HAS1: variants seen among roughly 807,000 people sequenced by gnomAD.
HAS1 encodes hyaluronan synthase 1.
Under a neutral mutation model 35.0 loss-of-function variants are expected in HAS1, and 27 were observed. The observed-to-expected ratio is 0.77, with a 90% CI of 0.57 to 1.06. HAS1 has a LOEUF of 1.06. Among genes scored for constraint, HAS1 ranks in the 50% least tolerant of loss-of-function variants. The pLI is 0.00. For missense variants in HAS1, 940 were observed against 814.8 expected (o/e 1.15, Z -1.87); for synonymous variants, 409 against 371.2 (o/e 1.10, Z -1.17).
Position 51,713,521 on chromosome 19 carries a change from T to TA in HAS1, c.1639dup (p.Tyr547LeufsTer120). ...CAACATGGCCACCCAGTAGCCCACGTAGGCGCCGGCCCCCGCGGCCAAGTG... is the reference window on the plus strand; with the variant it reads ...CAACATGGCCACCCAGTAGCCCACGTAAGGCGCCGGCCCCCGCGGCCAAGTG... On this transcript the variant is annotated frameshift_variant, in exon 5 of 5. Transcript: ENST00000540069. LOFTEE classifies it low-confidence loss of function (END_TRUNC). The surrounding 1 kb of genome is among the most constrained non-coding windows in gnomAD (Gnocchi z 4.5). The TA allele has an allele frequency of 6.2e-7, 1 of 1,603,296 alleles. No homozygotes were observed. The highest frequency in any genetic ancestry group is 8.5e-7 in the Non-Finnish European group (1 of 1,175,778).
Position 51,719,556 on chromosome 19 carries a change from C to G in HAS1, c.349G>C (p.Ala117Pro). The stretch of plus-strand genomic sequence containing the variant: ...GCGCGCGGGTACAGCAGGGCGCGGG[C>G]GGACGCCAGGCACTGGCGCAGGTAC... ...PAYLRQCLAS[A>P]RALLYPRARL... Residue 117 changes from alanine to proline, a missense_variant, in exon 2 of 5, where the codon GCC (alanine) becomes CCC (proline). Transcript: ENST00000540069. 1 of 1,545,894 alleles carries G rather than the reference C, an allele frequency of 6.5e-7. No homozygotes were observed. Among genetic ancestry groups the G allele is most frequent in the East Asian group, 2.5e-5 (1 of 40,318 alleles).
At position 51,717,482 on chromosome 19, in the gene HAS1, T is replaced by C. The variant is rs141951814; in HGVS notation, c.700-289A>G. The stretch of plus-strand genomic sequence containing the variant: ...AGAATATGGCAGAAGTTATGGGATA[T>C]AACTGCCATGATTATATTACCTAAT... On this transcript the variant is annotated intron_variant, in intron 2 of 4. Transcript: ENST00000540069. Among the ~76,000 whole-genome samples, 533 of 152,276 alleles carry C rather than the reference T, an allele frequency of 3.5e-3. 1 individual carries two copies. The highest frequency in any genetic ancestry group is 0.012 in the African/African-American group (502 of 41,542).
intron 1 of HAS1, among the ~76,000 whole-genome samples, chr19:51,721,892 T>G (rs1366015653): frequency 6.6e-6 from 1 of 152,206 alleles, no homozygotes; most frequent in Non-Finnish European, 1.5e-5. Flanking sequence ...CGTGAGCTAC[T>G]GCACCCGGTC....
intron 2 of HAS1, among the ~76,000 whole-genome samples, chr19:51,718,786 C>T (rs796765460): frequency 5.9e-5 from 9 of 152,310 alleles, no homozygotes; most frequent in African/African-American, 2.2e-4. Context: ...ATCCGCCCAC[C>T]TCAGCCTCTC....
chr19:51,716,962 G>A lies in HAS1; in HGVS notation c.925+6C>T. Reference sequence around the variant, plus strand: ...CACAGCCCTCCCAATCTCTGCCCCTGCTTACCTAGAGGACCGCTGATGCAG... The same window carrying A: ...CACAGCCCTCCCAATCTCTGCCCCTACTTACCTAGAGGACCGCTGATGCAG... On this transcript the variant is annotated splice_donor_region_variant and intron_variant, in intron 3 of 4. Transcript: ENST00000540069. 6.3e-7 allele frequency: 1 copy of A among 1,596,158 alleles called. No homozygotes were observed. The highest frequency in any genetic ancestry group is 8.6e-7 in the Non-Finnish European group (1 of 1,164,038).
intron 4 of HAS1, among the ~76,000 whole-genome samples, chr19:51,714,524 A>C (rs1227932838): frequency 1.5e-3 from 35 of 23,414 alleles, no homozygotes; most frequent in African/African-American, 4.9e-3. Flanking sequence ...CCCCATCTCT[A>C]AAAAAAAAAA....
rs1253484934 is a variant in HAS1, at chr19:51,713,382, T to C, written c.*45A>G. ...GGCTCGGGGCCCAGCAGCTCTCCTC[T>C]GGCCTCCCCTGAAGACCCTTGAGGC... On this transcript the variant is annotated 3_prime_UTR_variant, in exon 5 of 5. Transcript: ENST00000540069. This position sits in a 1 kb window ranked among gnomAD's most constrained non-coding sequence, Gnocchi z 4.5. 2.1e-6 allele frequency: 3 copies of C among 1,437,192 alleles called. No homozygotes were observed. The highest frequency in any genetic ancestry group is 5.7e-5 in the Admixed American group (2 of 34,862). 89.0% of individuals were successfully genotyped at this position (1,437,192 alleles called of 1,614,324 possible).
At chr19:51,716,939 C>A in intron 3 of HAS1, 29 bp downstream of exon 3, 1 of 1,471,266 alleles carries the variant, frequency 6.8e-7, no homozygotes, top group Non-Finnish European at 9.5e-7. Context: ...ACCCCATCCA[C>A]AGCCCTCCCA....
At chr19:51,714,200 G>T (rs773041865) in intron 4 of HAS1, 98 bp from the exon 5 acceptor site, 9 of 1,520,926 alleles carry the variant, frequency 5.9e-6, no homozygotes, top group South Asian at 1.2e-5. Flanking sequence ...GCCACTGGGG[G>T]CGAGTTTCTT....
chr19:51,713,654 G>GC lies in HAS1; in HGVS notation c.1506dup (p.Leu503AlafsTer164). On this transcript the variant is annotated frameshift_variant, in exon 5 of 5. Transcript: ENST00000540069. LOFTEE classifies it low-confidence loss of function (END_TRUNC). This position sits in a 1 kb window ranked among gnomAD's most constrained non-coding sequence, Gnocchi z 4.5. ...AGCAGCGCCCAGAGCGCCAGGGGCA[G>GC]CAGAGGGACGTAGTTAGCGGCCAGC... 6.3e-7 allele frequency: 1 copy of GC among 1,576,036 alleles called. No homozygotes were observed. Among genetic ancestry groups the GC allele is most frequent in the Non-Finnish European group, 8.6e-7 (1 of 1,161,938 alleles).
chr19:51,714,886 A>C (rs2083576466), intron 4 of HAS1, among the ~76,000 whole-genome samples: 3 of 152,046 alleles, frequency 2.0e-5, no homozygotes. Context: ...CACTATTACT[A>C]ATACTATCAC....
In HAS1 at chr19:51,719,738, C is replaced by A; in HGVS notation, c.167G>T (p.Gly56Val). ...ASDRYGLLAF[G>V]LYGAFLSAHL... ...CGCTGAAAGGAAGGCCCCGTAGAGG[C>A]CGAAGGCCAGGAGGCCGTAGCGATC... Residue 56 changes from glycine (G) to valine (V), a missense_variant, in exon 2 of 5, where the codon GGC (glycine) becomes GTC (valine). Gly to Val is a moderately radical substitution (Grantham distance 109). Coordinates refer to ENST00000540069, the MANE Select transcript of HAS1 (RefSeq NM_001297436.2). The A allele has an allele frequency of 6.4e-7, 1 of 1,568,792 alleles. No homozygotes were observed. The highest frequency in any genetic ancestry group is 8.6e-7 in the Non-Finnish European group (1 of 1,162,460).
At position 51,713,220 on chromosome 19, in the gene HAS1, C is replaced by T. The variant is rs3829648; in HGVS notation, c.*207G>A. 246,609 of 468,908 alleles carry T rather than the reference C, an allele frequency of 0.53. 65,902 individuals carry two copies. Among genetic ancestry groups the T allele is most frequent in the Middle Eastern group, 0.56 (1,039 of 1,846 alleles). The allele number at this position is 468,908 out of a possible 1,614,324, so 29.0% of individuals were successfully genotyped here. A position where few individuals can be genotyped will look rare whatever the true frequency, so the allele number is the denominator to read the frequency against. On this transcript the variant is annotated 3_prime_UTR_variant, in exon 5 of 5. Transcript: ENST00000540069. The surrounding 1 kb of genome is among the most constrained non-coding windows in gnomAD (Gnocchi z 4.5). ...TTCCCTCCACTCCTCAGATCCCACA[C>T]CCTGACCAATAAATACCCTCCCTGG...
In HAS1 at chr19:51,713,278, G is replaced by C. The variant is rs1367538144; in HGVS notation, c.*149C>G. ...GAAGTCCCAGTCCCAATATAGTCCA[G>C]ACTGAAGAATCTTGGGCTGACCCCC... On this transcript the variant is annotated 3_prime_UTR_variant, in exon 5 of 5. Transcript: ENST00000540069. The surrounding 1 kb of genome is among the most constrained non-coding windows in gnomAD (Gnocchi z 4.5). 12 of 715,826 alleles carry C rather than the reference G, an allele frequency of 1.7e-5. No homozygotes were observed. Among genetic ancestry groups the C allele is most frequent in the Non-Finnish European group, 2.6e-5 (12 of 467,654 alleles). 44.3% of individuals were successfully genotyped at this position (715,826 alleles called of 1,614,324 possible).
At chr19:51,715,074 C>T (rs910439043) in intron 4 of HAS1, among the ~76,000 whole-genome samples, 1 of 152,080 alleles carries the variant, frequency 6.6e-6, no homozygotes, top group Non-Finnish European at 1.5e-5. Flanking sequence ...GGTTTCCAGC[C>T]AAGCCCACAC....
At chr19:51,721,985 T>C (rs1159617190) in intron 1 of HAS1, among the ~76,000 whole-genome samples, 3 of 152,162 alleles carry the variant, frequency 2.0e-5, no homozygotes, top group Admixed American at 1.3e-4. Flanking sequence ...GCAAATACTT[T>C]TACCCAAGGT....
chr19:51,716,289 G>A lies in HAS1; in HGVS notation c.1025C>T (p.Thr342Ile), dbSNP rs765536727. 3.1e-6 allele frequency: 5 copies of A among 1,613,928 alleles called. No homozygotes were observed. The Admixed American group carries it at 8.3e-5, about 27-fold the overall frequency. Residue 342 changes from threonine to isoleucine, a missense_variant, in exon 4 of 5, where the codon ACC becomes ATC. Coordinates refer to ENST00000540069, the MANE Select transcript of HAS1 (RefSeq NM_001297436.2). ...HCTFGDDRHL[T>I]NRMLSMGYAT... ...ATAACCCATGCTGAGCATGCGGTTG[G>A]TGAGGTGCCGGTCATCCCCAAAAGT...
rs1303037320 is a variant in HAS1, at chr19:51,713,921, CGAA to C, written c.1237_1239del (p.Phe413del). ...AACAGACGCAGCACAGTGGCCGCCA[CGAA>C]GAAGGGGAACAGGCCGGAGACCACC... On this transcript the variant is annotated inframe_deletion, in exon 5 of 5. Transcript: ENST00000540069. The surrounding 1 kb of genome is among the most constrained non-coding windows in gnomAD (Gnocchi z 4.5). 12 of 1,608,290 alleles carry C rather than the reference CGAA, an allele frequency of 7.5e-6. No individual in the cohort carries two copies. The highest frequency in any genetic ancestry group is 9.3e-6 in the Non-Finnish European group (11 of 1,179,998).
In HAS1 at chr19:51,719,540, T is replaced by G. The variant is rs372785460; in HGVS notation, c.365A>C (p.Tyr122Ser). The change falls in exon 2 of 5, where the codon TAC (tyrosine) becomes TCC (serine). Residue 122 changes from tyrosine to serine, a missense_variant. By Grantham distance (144) the Tyr-to-Ser change is moderately radical (BLOSUM62 -2). Transcript: ENST00000540069. The part of the protein sequence containing the change: ...QCLASARALL[Y>S]PRARLRVLMV... Reference sequence around the variant, plus strand: ...GAGGACGCGCAGCCGCGCGCGCGGGTACAGCAGGGCGCGGGCGGACGCCAG... The same window carrying G: ...GAGGACGCGCAGCCGCGCGCGCGGGGACAGCAGGGCGCGGGCGGACGCCAG... 1.0e-3 allele frequency: 1,613 copies of G among 1,547,510 alleles called. 3 individuals are homozygous for G. The highest frequency in any genetic ancestry group is 1.3e-3 in the Non-Finnish European group (1,500 of 1,145,594).
Sources: gnomAD v4.1 joint callset for allele counts (sites outside exome capture counted in the v4.1 genomes callset) on GRCh38, gnomAD v4.1.1 for gene constraint, Gnocchi (gnomAD v3.1) non-coding constraint, MANE v1.5 for transcripts, NCBI Gene and HGNC (gene_info 2026-07-23, HGNC 2026-07-21) for gene names.